The following PPP1CB variants were observed in gnomAD, a reference collection of about 807,000 sequenced individuals.
PPP1CB encodes protein phosphatase 1 catalytic subunit beta, also known as serine/threonine-protein phosphatase PP1-beta catalytic subunit.
A neutral mutation model predicts 43.7 loss-of-function variants in PPP1CB; 2 were observed. The observed-to-expected ratio is 0.05, with a 90% CI of 0.02 to 0.14. The LOEUF is 0.14. PPP1CB is among the 10% of genes least tolerant of loss of function. The pLI, the probability that PPP1CB is intolerant of heterozygous loss-of-function variation, is 1.00. For synonymous variants in PPP1CB, 136 were observed against 135.6 expected, an observed-to-expected ratio of 1.00 and a Z score of -0.02; for missense variants, 84 against 398.0, an observed-to-expected ratio of 0.21 and a Z score of 6.71.
At chr2:28,756,577 G>A (rs1666493739) in intron 1 of PPP1CB, among the ~76,000 whole-genome samples, 1 of 152,136 alleles carries the variant, frequency 6.6e-6, no homozygotes, top group African/African-American at 2.4e-5. Flanking sequence ...TCGACTTCCT[G>A]GTCTCAATCG....
At chr2:28,792,749 G>A (rs1353359499) in intron 6 of PPP1CB, among the ~76,000 whole-genome samples, 3 of 151,958 alleles carry the variant, frequency 2.0e-5, no homozygotes, top group Admixed American at 1.3e-4. Context: ...AAGTGGTGTC[G>A]GATAATTTTG....
chr2:28,754,800 G>A (rs904381967), intron 1 of PPP1CB, among the ~76,000 whole-genome samples: 3 of 152,228 alleles, frequency 2.0e-5, no homozygotes, highest in African/African-American at 7.2e-5. Flanking sequence ...ACTATGGTTA[G>A]TGTTTTTAGT....
chr2:28,783,776 A>G (rs1354856451), intron 4 of PPP1CB, 131 bp from the exon 5 acceptor site: 2 of 640,786 alleles, frequency 3.1e-6, no homozygotes, highest in African/African-American at 1.9e-5. Context: ...AAAAGACGTT[A>G]AAAGGAACAC....
intron 1 of PPP1CB, among the ~76,000 whole-genome samples, chr2:28,767,482 A>G (rs1352434997): frequency 1.3e-5 from 2 of 152,194 alleles, no homozygotes; most frequent in Admixed American, 6.5e-5. Context: ...TTGCTTTGAC[A>G]TGATGAGTAT....
intron 6 of PPP1CB, among the ~76,000 whole-genome samples, chr2:28,791,062 T>TA (rs1667374115): frequency 6.6e-6 from 1 of 152,214 alleles, no homozygotes; most frequent in Non-Finnish European, 1.5e-5. Flanking sequence ...ATCATGCACA[T>TA]ACAGTGTTGA....
chr2:28,759,708 C>G (rs1214198895), intron 1 of PPP1CB, among the ~76,000 whole-genome samples: 2 of 151,366 alleles, frequency 1.3e-5, no homozygotes, highest in South Asian at 2.1e-4. Flanking sequence ...ACCTCTGCCT[C>G]TCAGGTTCAA....
chr2:28,766,421 A>G lies in PPP1CB; in HGVS notation c.53-10430A>G, dbSNP rs78913360. ...CACAAAAAAACTGCACCAGACTTCAAACATCCTACATTTTCTCAGACTTTG... is the reference window on the plus strand; with the variant it reads ...CACAAAAAAACTGCACCAGACTTCAGACATCCTACATTTTCTCAGACTTTG... On this transcript the variant is annotated intron_variant, in intron 1 of 7. Coordinates refer to ENST00000395366, the MANE Select transcript of PPP1CB (RefSeq NM_002709.3). Among the ~76,000 whole-genome samples, 855 of 152,354 alleles carry G rather than the reference A, an allele frequency of 5.6e-3. 7 individuals carry two copies. Among genetic ancestry groups the G allele is most frequent in the African/African-American group, 0.019 (799 of 41,586 alleles).
intron 5 of PPP1CB, among the ~76,000 whole-genome samples, chr2:28,785,064 G>GTTTTTTTTTTTTT (rs1558307639): frequency 1.1e-5 from 1 of 93,798 alleles, no homozygotes; most frequent in African/African-American, 4.1e-5. Context: ...TGTGTTAGGA[G>GTTTTTTTTTTTTT]CTTTTTTTTT....
chr2:28,773,571 A>G (rs1666960395), intron 1 of PPP1CB, among the ~76,000 whole-genome samples: 1 of 152,238 alleles, frequency 6.6e-6, no homozygotes, highest in African/African-American at 2.4e-5. Flanking sequence ...TATTTTTATA[A>G]TCCAGCAGCG....
chr2:28,796,739 T>G (rs1443496319), intron 7 of PPP1CB, among the ~76,000 whole-genome samples: 1 of 152,186 alleles, frequency 6.6e-6, no homozygotes, highest in Non-Finnish European at 1.5e-5. Context: ...TTTATCTTCC[T>G]CTCTTCTTAT....
chr2:28,755,209 G>A (rs1178511328), intron 1 of PPP1CB, among the ~76,000 whole-genome samples: 3 of 152,022 alleles, frequency 2.0e-5, no homozygotes, highest in African/African-American at 4.8e-5. Flanking sequence ...ACCACGCCCC[G>A]GCTAATTTTG....
intron 1 of PPP1CB, among the ~76,000 whole-genome samples, chr2:28,776,480 G>A (rs1199972419): frequency 6.6e-6 from 1 of 151,952 alleles, no homozygotes; most frequent in Non-Finnish European, 1.5e-5. Flanking sequence ...AGCTGGTTTT[G>A]AACTCCCGAC....
chr2:28,762,518 A>C (rs1051626963), intron 1 of PPP1CB, among the ~76,000 whole-genome samples: 51 of 152,342 alleles, frequency 3.3e-4, no homozygotes, highest in African/African-American at 1.1e-3. Context: ...ACAGATACGT[A>C]GTTAGAAAAA....
At chr2:28,782,539 G>T (rs896443047) in intron 4 of PPP1CB, 4 of 152,498 alleles carry the variant, frequency 2.6e-5, no homozygotes, top group Admixed American at 2.0e-4. Context: ...GTACATGTGT[G>T]TATGGAGGCA....
intron 7 of PPP1CB, among the ~76,000 whole-genome samples, chr2:28,797,199 G>A (rs1448502839): frequency 6.6e-6 from 1 of 152,050 alleles, no homozygotes; most frequent in Non-Finnish European, 1.5e-5. Flanking sequence ...TTTTGCATCT[G>A]TGTTCATCAG....
chr2:28,761,698 A>G (rs1558297756), intron 1 of PPP1CB, among the ~76,000 whole-genome samples: 1 of 152,230 alleles, frequency 6.6e-6, no homozygotes, highest in African/African-American at 2.4e-5. Context: ...AAGTACGTAT[A>G]ACAGTTTCTT....
chr2:28,755,074 G>A (rs35629160), intron 1 of PPP1CB, among the ~76,000 whole-genome samples: 7 of 152,010 alleles, frequency 4.6e-5, no homozygotes, highest in Non-Finnish European at 1.0e-4. Context: ...TTGAGACGGA[G>A]TTTTGCGCTT....
chr2:28,794,377 A>G (rs1667451277), intron 7 of PPP1CB, among the ~76,000 whole-genome samples: 1 of 152,046 alleles, frequency 6.6e-6, no homozygotes, highest in Non-Finnish European at 1.5e-5. Context: ...AGAATTACAA[A>G]CTCAGATGAA....
At chr2:28,778,540 C>A in intron 2 of PPP1CB, 1 of 492,444 alleles carries the variant, frequency 2.0e-6, no homozygotes, top group South Asian at 1.8e-5. Flanking sequence ...TTCTTTGCTA[C>A]GTGGGATGCT....
Sources: gnomAD v4.1 joint callset for allele counts (sites outside exome capture counted in the v4.1 genomes callset) on GRCh38, gnomAD v4.1.1 for gene constraint, MANE v1.5 for transcripts, NCBI Gene and HGNC (gene_info 2026-07-23, HGNC 2026-07-21) for gene names.